Variants in MIB1 observed in about 807,000 individuals in gnomAD.
MIB1 encodes the protein MIB E3 ubiquitin protein ligase 1.
MIB1 carries 278 observed loss-of-function variants against 124.5 expected under a neutral mutation model. The observed-to-expected ratio is 2.23, with a 90% CI of 2.02 to 2.47. MIB1 has a LOEUF of 2.47. MIB1 is among the 30% of genes most tolerant of loss of function. The pLI, the probability that MIB1 is intolerant of heterozygous loss-of-function variation, is 0.00. For synonymous variants in MIB1, 446 were observed against 429.4 expected (o/e 1.04, Z -0.48); for missense variants, 957 against 1,254.4 (o/e 0.76, Z 3.58).
chr18:21,819,678 T>G, intron 12 of MIB1, 32 bp downstream of exon 12: 1 of 1,407,806 alleles, frequency 7.1e-7, no homozygotes, highest in Non-Finnish European at 9.4e-7. Flanking sequence ...TAGGTGCAAT[T>G]CAAAAATATT....
Position 21,781,132 on chromosome 18 carries a change from G to A in MIB1, c.908+1447G>A, listed in dbSNP as rs1164641860. ...GGGTCTTGCCATATTGCCCAGGCTG[G>A]CGCTGAACCCCTGGCCTCAAGTGAT... On this transcript the variant is annotated intron_variant, in intron 6 of 20. Coordinates refer to ENST00000261537, the MANE Select transcript of MIB1 (RefSeq NM_020774.4). Among the ~76,000 whole-genome samples, 3 of 151,330 alleles carry A rather than the reference G, an allele frequency of 2.0e-5. 1 individual carries two copies. The highest frequency in any genetic ancestry group is 1.3e-4 in the Admixed American group (2 of 15,194).
intron 1 of MIB1, among the ~76,000 whole-genome samples, chr18:21,748,902 T>A (rs749554299): frequency 9.9e-5 from 15 of 151,806 alleles, no homozygotes; most frequent in Non-Finnish European, 1.9e-4. Flanking sequence ...CTGGCTAATT[T>A]TTTTTTATTT....
intron 1 of MIB1, among the ~76,000 whole-genome samples, chr18:21,709,881 GC>G (rs1157160317): frequency 6.6e-6 from 1 of 152,214 alleles, no homozygotes; most frequent in Non-Finnish European, 1.5e-5. Context: ...CGATTGAACT[GC>G]ATGTGCAAGG....
At chr18:21,796,397 G>A (rs201546321) in intron 7 of MIB1, among the ~76,000 whole-genome samples, 3 of 151,950 alleles carry the variant, frequency 2.0e-5, no homozygotes, top group South Asian at 2.1e-4. Flanking sequence ...CTGTCAGGGT[G>A]GGGGGCAAGG....
intron 1 of MIB1, among the ~76,000 whole-genome samples, chr18:21,761,231 T>C (rs888749476): frequency 6.6e-6 from 1 of 152,092 alleles, no homozygotes; most frequent in Non-Finnish European, 1.5e-5. Flanking sequence ...AAGTGGTTTT[T>C]TTTTTTTTTA....
Position 21,730,004 on chromosome 18 carries a change from T to A in MIB1, n.167+24881T>A, listed in dbSNP as rs1433184738. 2.0e-5 allele frequency among the ~76,000 whole-genome samples: 3 copies of A among 152,248 alleles called. No individual in the cohort carries two copies. The East Asian group carries it at 5.8e-4, about 29-fold the overall frequency. ...AGGTATCTTGATATAGCAGCTCAAA[T>A]GGACTAAGATGGTTGGAAAGAATGA... On this transcript the variant is annotated intron_variant and non_coding_transcript_variant, in intron 1 of 20. Coordinates refer to the MIB1 transcript ENST00000578646.
At chr18:21,835,801 C>CCACACACACACACA (rs774725850) in intron 12 of MIB1, among the ~76,000 whole-genome samples, 2 of 101,582 alleles carry the variant, frequency 2.0e-5, no homozygotes, top group Admixed American at 1.3e-4. Flanking sequence ...ATATATATAT[C>CCACACACACACACA]CACACACACA....
At chr18:21,848,824 G>T (rs1256297648) in intron 16 of MIB1, among the ~76,000 whole-genome samples, 1 of 152,160 alleles carries the variant, frequency 6.6e-6, no homozygotes, top group Non-Finnish European at 1.5e-5. Flanking sequence ...GGGGGCTAGT[G>T]AGGATTTTTG....
intron 1 of MIB1, among the ~76,000 whole-genome samples, chr18:21,725,385 A>G (rs1421941394): frequency 6.6e-6 from 1 of 152,058 alleles, no homozygotes; most frequent in African/African-American, 2.4e-5. Context: ...AAGCAAGTTG[A>G]ATTATTTGAA....
At chr18:21,706,548 C>T (rs960534722) in intron 1 of MIB1, among the ~76,000 whole-genome samples, 1 of 152,160 alleles carries the variant, frequency 6.6e-6, no homozygotes, top group South Asian at 2.1e-4. Flanking sequence ...GGCTGCTGTG[C>T]CCCGCGATCA....
At chr18:21,737,926 A>G (rs2040803178), upstream of MIB1, among the ~76,000 whole-genome samples, 1 of 152,220 alleles carries the variant, frequency 6.6e-6, no homozygotes, top group Non-Finnish European at 1.5e-5. Flanking sequence ...ACACAATAAT[A>G]GTGGGAGACT....
chr18:21,775,088 G>C (rs1400440901), intron 4 of MIB1, among the ~76,000 whole-genome samples: 2 of 152,124 alleles, frequency 1.3e-5, no homozygotes, highest in East Asian at 3.9e-4. Flanking sequence ...TGGGACTGTA[G>C]GCGCCCACCA....
chr18:21,740,501 G>T (rs1037103536), upstream of MIB1, among the ~76,000 whole-genome samples: 1 of 152,214 alleles, frequency 6.6e-6, no homozygotes, highest in African/African-American at 2.4e-5. Flanking sequence ...AAGACTAAAA[G>T]AATATGGAAT....
At chr18:21,754,971 C>G (rs1420201181) in intron 1 of MIB1, among the ~76,000 whole-genome samples, 1 of 152,174 alleles carries the variant, frequency 6.6e-6, no homozygotes, top group African/African-American at 2.4e-5. Flanking sequence ...CAACGAAACT[C>G]TACTCTGCAC....
chr18:21,852,564 G>T lies in MIB1; in HGVS notation c.2587-576G>T, dbSNP rs149611931. ...TGAAAGTGAGGGAGATTATGAATAG[G>T]CTGTGGAAGTCTTGCTAGAGATCAG... On this transcript the variant is annotated intron_variant, in intron 17 of 20. Coordinates refer to ENST00000261537, the MANE Select transcript of MIB1 (RefSeq NM_020774.4). Among the ~76,000 whole-genome samples, 502 of 152,254 alleles carry T rather than the reference G, an allele frequency of 3.3e-3. 2 individuals are homozygous for T. The highest frequency in any genetic ancestry group is 3.4e-3 in the Non-Finnish European group (233 of 68,018).
rs939780418 is a variant in MIB1, at chr18:21,759,210, T to TA, written c.230-6561dup. 3.3e-5 allele frequency among the ~76,000 whole-genome samples: 5 copies of TA among 150,962 alleles called. No homozygotes were observed. The East Asian group carries it at 9.7e-4, about 29-fold the overall frequency. Reference sequence around the variant, plus strand: ...GTTTCAACATTTTGTATTCTATACATATGTGTGTATATATATGTGTATATA... The same window carrying TA: ...GTTTCAACATTTTGTATTCTATACATAATGTGTGTATATATATGTGTATATA... On this transcript the variant is annotated intron_variant, in intron 1 of 20. Transcript: ENST00000261537.
chr18:21,832,946 C>T (rs1259440190), intron 12 of MIB1, among the ~76,000 whole-genome samples: 1 of 152,126 alleles, frequency 6.6e-6, no homozygotes, highest in Non-Finnish European at 1.5e-5. Flanking sequence ...TGTTATGTGC[C>T]AGGTTCTCTT....
intron 1 of MIB1, among the ~76,000 whole-genome samples, chr18:21,705,889 A>T (rs2040621281): frequency 6.6e-6 from 1 of 152,180 alleles, no homozygotes; most frequent in Non-Finnish European, 1.5e-5. Flanking sequence ...GATAGTGTAT[A>T]TACTGGACTC....
intron 6 of MIB1, among the ~76,000 whole-genome samples, chr18:21,786,271 G>T (rs1041886042): frequency 6.6e-6 from 1 of 151,978 alleles, no homozygotes; most frequent in African/African-American, 2.4e-5. Flanking sequence ...TAATTTTTTT[G>T]TATTTTTAGT....
Sources: allele counts gnomAD v4.1 joint callset (sites outside exome capture counted in the v4.1 genomes callset), GRCh38; gene constraint gnomAD v4.1.1; transcripts MANE v1.5; gene names NCBI Gene and HGNC (gene_info 2026-07-23, HGNC 2026-07-21).